ADH1A: variants seen among roughly 807,000 people sequenced by gnomAD.
The protein encoded by ADH1A is alcohol dehydrogenase 1A.
In ADH1A, 29 loss-of-function variants were observed where a neutral mutation model predicts 35.2. The observed-to-expected ratio is 0.82, with a 90% CI of 0.61 to 1.12. ADH1A has a LOEUF of 1.12. Among genes scored for constraint, ADH1A ranks in the 50% most tolerant of loss-of-function variants. The probability of loss-of-function intolerance (pLI) is 0.00; values close to 1 mark genes in which losing one functional copy is unlikely to be tolerated. For missense variants in ADH1A, 469 were observed against 464.7 expected, an observed-to-expected ratio of 1.01 and a Z score of -0.09; for synonymous variants, 147 against 164.8, an observed-to-expected ratio of 0.89 and a Z score of 0.83.
intron 3 of ADH1A, among the ~76,000 whole-genome samples, chr4:99,285,141 T>A (rs961312388): frequency 6.6e-6 from 1 of 152,208 alleles, no homozygotes; most frequent in Non-Finnish European, 1.5e-5. Context: ...CTTAACTATA[T>A]AAATCTTACT....
At chr4:99,277,271 G>C (rs184667992) in intron 8 of ADH1A, among the ~76,000 whole-genome samples, 3 of 152,104 alleles carry the variant, frequency 2.0e-5, no homozygotes, top group Admixed American at 2.0e-4. Context: ...CTTTGATACA[G>C]ATATGTTTAA....
At chr4:99,280,092 G>A in intron 7 of ADH1A, 52 bp downstream of exon 7, 1 of 1,609,160 alleles carries the variant, frequency 6.2e-7, no homozygotes, top group Non-Finnish European at 8.5e-7. Flanking sequence ...CTTGTAAAAG[G>A]GGAGATATGC....
At chr4:99,288,961 A>T (rs149356000) in intron 1 of ADH1A, among the ~76,000 whole-genome samples, 1 of 151,336 alleles carries the variant, frequency 6.6e-6, no homozygotes, top group African/African-American at 2.4e-5. Context: ...TTTATCCCTC[A>T]CCTCCCCTTT....
chr4:99,284,783 C>G lies in ADH1A; in HGVS notation c.280G>C (p.Ala94Pro). 1 of 1,614,080 alleles carries G rather than the reference C, an allele frequency of 6.2e-7. No individual in the cohort carries two copies. Among genetic ancestry groups the G allele is most frequent in the Non-Finnish European group, 8.5e-7 (1 of 1,179,978 alleles). ...CTGCATTTTCCACACTGAGGAATAG[C>G]GAGTGGGATGACTTTATCACCTGGA... is the stretch of plus-strand genomic sequence containing the variant. ...VKPGDKVIPLAIPQCGKCRIC... is the reference protein window; with the variant it reads ...VKPGDKVIPLPIPQCGKCRIC... Residue 94 changes from alanine (A) to proline (P), a missense_variant, in exon 4 of 9, where the codon GCT becomes CCT. Coordinates refer to ENST00000209668, the MANE Select transcript of ADH1A (RefSeq NM_000667.4).
At chr4:99,282,922 C>T (rs532601176) in intron 5 of ADH1A, among the ~76,000 whole-genome samples, 3 of 152,124 alleles carry the variant, frequency 2.0e-5, no homozygotes, top group East Asian at 1.9e-4. Context: ...GGGAACCAGG[C>T]GACTGGATGA....
intron 8 of ADH1A, 144 bp downstream of exon 8, chr4:99,279,282 C>T: frequency 8.9e-7 from 1 of 1,126,588 alleles, no homozygotes; most frequent in South Asian, 2.1e-5. Flanking sequence ...ACTTCTCTTA[C>T]AAGCTCTCCA....
intron 3 of ADH1A, chr4:99,286,612 G>C: frequency 1.9e-6 from 1 of 534,280 alleles, no homozygotes; most frequent in African/African-American, 1.9e-5. Flanking sequence ...CTCCAACCTG[G>C]TGACTGGCAT....
chr4:99,280,392 G>A (rs1465196828), intron 6 of ADH1A, 113 bp from the exon 7 acceptor site: 8 of 1,535,472 alleles, frequency 5.2e-6, no homozygotes, highest in Non-Finnish European at 7.1e-6. Flanking sequence ...AGAGGGAAGA[G>A]ATTATGTCTT....
intron 8 of ADH1A, among the ~76,000 whole-genome samples, chr4:99,278,187 T>A (rs1232909081): frequency 6.6e-6 from 1 of 152,156 alleles, no homozygotes; most frequent in Non-Finnish European, 1.5e-5. Context: ...TTTGTTCATC[T>A]CTATATTTGC....
At chr4:99,287,174 C>T in intron 2 of ADH1A, 186 bp from the exon 3 acceptor site, 1 of 678,658 alleles carries the variant, frequency 1.5e-6, no homozygotes, top group Non-Finnish European at 2.4e-6. Context: ...CTCTACCTTC[C>T]ATTCTTGAAG....
chr4:99,276,780 G>A (rs1732878701), intron 8 of ADH1A, 132 bp from the exon 9 acceptor site: 7 of 815,312 alleles, frequency 8.6e-6, no homozygotes, highest in Admixed American at 4.5e-5. Flanking sequence ...CCATGCATTC[G>A]GGTCAAGTGA....
rs555411217 is a variant in ADH1A at position 99,282,144 on chromosome 4, T to C, written c.828+202A>G. 5.8e-5 allele frequency: 56 copies of C among 957,598 alleles called. No homozygotes were observed. The South Asian group carries it at 9.1e-4, about 16-fold the overall frequency. 59.3% of individuals were successfully genotyped at this position (957,598 alleles called of 1,614,324 possible). A position where few individuals can be genotyped will look rare whatever the true frequency, so the allele number is the denominator to read the frequency against. ...CTTTGCTTTTCCTCTAGAGGAAATA[T>C]GACTTGAGACACGTTTGCATAGTTG... is the stretch of plus-strand genomic sequence containing the variant. On this transcript the variant is annotated intron_variant, in intron 6 of 8. Coordinates refer to ENST00000209668, the MANE Select transcript of ADH1A (RefSeq NM_000667.4).
At chr4:99,287,515 C>A in intron 2 of ADH1A, 49 bp downstream of exon 2, 2 of 1,571,758 alleles carry the variant, frequency 1.3e-6, no homozygotes, top group Non-Finnish European at 8.6e-7. Flanking sequence ...CGTTTTTTAA[C>A]TTTTCTGAGT....
At chr4:99,287,194 T>C (rs1298436162) in intron 2 of ADH1A, among the ~76,000 whole-genome samples, 4 of 152,250 alleles carry the variant, frequency 2.6e-5, no homozygotes, top group Non-Finnish European at 5.9e-5. Context: ...GTAAACAGTT[T>C]AGAATAATCT....
At chr4:99,287,909 G>A (rs555732798) in intron 1 of ADH1A, among the ~76,000 whole-genome samples, 1 of 152,216 alleles carries the variant, frequency 6.6e-6, no homozygotes, top group South Asian at 2.1e-4. Flanking sequence ...TATTCATTAA[G>A]GCCATCCTTA....
At chr4:99,279,987 C>T (rs1263424925) in intron 7 of ADH1A, among the ~76,000 whole-genome samples, 157 bp downstream of exon 7, 1 of 152,122 alleles carries the variant, frequency 6.6e-6, no homozygotes, top group Admixed American at 6.6e-5. Context: ...GACCTTCTGC[C>T]TGCATTAGTT....
At chr4:99,280,073 G>A (rs1732961935) in intron 7 of ADH1A, 71 bp downstream of exon 7, 1 of 1,589,128 alleles carries the variant, frequency 6.3e-7, no homozygotes, top group Non-Finnish European at 8.6e-7. Context: ...TCAAAACCTT[G>A]CCTTGTCACT....
chr4:99,286,275 C>T lies in ADH1A; in HGVS notation c.259+575G>A, dbSNP rs1219609718. ...CATTGTTGATGGTGGATGGCTCTTT[C>T]TATGTTTCTTTCATTTCCTTTCACC... On this transcript the variant is annotated intron_variant, in intron 3 of 8. Coordinates refer to ENST00000209668, the MANE Select transcript of ADH1A (RefSeq NM_000667.4). Among the ~76,000 whole-genome samples the T allele has an allele frequency of 2.6e-5, 4 of 152,114 alleles. No individual in the cohort carries two copies. In the East Asian group the frequency reaches 7.7e-4, roughly 29 times the overall value.
chr4:99,290,758 T>C, intron 1 of ADH1A, 139 bp downstream of exon 1: 1 of 864,288 alleles, frequency 1.2e-6, no homozygotes, highest in Non-Finnish European at 1.9e-6. Flanking sequence ...TTACATATTA[T>C]AGCATATATT....
Sources: allele counts gnomAD v4.1 joint callset (sites outside exome capture counted in the v4.1 genomes callset), GRCh38; gene constraint gnomAD v4.1.1; transcripts MANE v1.5; gene names NCBI Gene and HGNC (gene_info 2026-07-23, HGNC 2026-07-21).